TAF3: variants seen among roughly 807,000 people sequenced by gnomAD.
TAF3 encodes the protein TATA-box binding protein associated factor 3.
Under a neutral mutation model 80.6 loss-of-function variants are expected in TAF3, and 7 were observed. The ratio of observed to expected loss-of-function variants is 0.09; its 90% CI spans 0.05 to 0.16. TAF3 has a LOEUF of 0.16. Ranked by LOEUF, TAF3 falls within the 10% of genes least tolerant of loss-of-function variation. The pLI is 1.00. For synonymous variants in TAF3, 444 were observed against 446.1 expected (o/e 1.00, Z 0.06); for missense variants, 921 against 1,140.2 (o/e 0.81, Z 2.77).
rs114832759 is a variant in TAF3, at chr10:7,853,741, A to G, written c.409+29181A>G. Among the ~76,000 whole-genome samples the G allele has an allele frequency of 4.6e-4, 70 of 152,326 alleles. 1 individual carries two copies. In the East Asian group the frequency reaches 9.3e-3, roughly 20 times the overall value. ...TATGGGTGACTGCTTTGGCACTACAATGGCGGAGATGAGATGTGACAGAGA... is the reference window on the plus strand; with the variant it reads ...TATGGGTGACTGCTTTGGCACTACAGTGGCGGAGATGAGATGTGACAGAGA... On this transcript the variant is annotated intron_variant, in intron 2 of 6. Transcript: ENST00000344293.
chr10:7,906,230 A>G (rs574679444), intron 2 of TAF3, among the ~76,000 whole-genome samples: 10 of 152,160 alleles, frequency 6.6e-5, no homozygotes, highest in African/African-American at 2.4e-4. Flanking sequence ...CTTTAATTTC[A>G]GTATTGGATG....
At chr10:8,005,170 A>C (rs1229576491) in intron 4 of TAF3, among the ~76,000 whole-genome samples, 3 of 152,082 alleles carry the variant, frequency 2.0e-5, no homozygotes, top group African/African-American at 7.2e-5. Flanking sequence ...TTTTTTTAAC[A>C]TTGTAAGCAA....
At chr10:7,897,506 G>A (rs905146809) in intron 2 of TAF3, among the ~76,000 whole-genome samples, 2 of 151,944 alleles carry the variant, frequency 1.3e-5, no homozygotes, top group Non-Finnish European at 2.9e-5. Context: ...ACTGTGATTT[G>A]CCTTCATGCG....
At chr10:7,892,242 T>C (rs1210502645) in intron 2 of TAF3, among the ~76,000 whole-genome samples, 1 of 152,250 alleles carries the variant, frequency 6.6e-6, no homozygotes, top group East Asian at 1.9e-4. Context: ...AAATAGATTA[T>C]TGAACTAACT....
intron 2 of TAF3, among the ~76,000 whole-genome samples, chr10:7,905,663 C>T (rs567489155): frequency 6.2e-4 from 95 of 152,160 alleles, no homozygotes; most frequent in African/African-American, 2.0e-3. Flanking sequence ...GGGCAGATTA[C>T]GAGGTCAGGA....
chr10:8,016,602 T>C lies in TAF3; in HGVS notation c.*1851T>C, dbSNP rs888483783. 1 of 152,162 alleles carries C rather than the reference T, an allele frequency of 6.6e-6. No homozygotes were observed. The highest frequency in any genetic ancestry group is 2.4e-5 in the African/African-American group (1 of 41,420). The allele number at this position is 152,162 out of a possible 1,614,324, so 9.4% of individuals were successfully genotyped here. A position where few individuals can be genotyped will look rare whatever the true frequency, so the allele number is the denominator to read the frequency against. On this transcript the variant is annotated 3_prime_UTR_variant, in exon 7 of 7. Coordinates refer to ENST00000344293, the MANE Select transcript of TAF3 (RefSeq NM_031923.4). ...GGAGAGGGGTGAGGGGTGGGGGAAG[T>C]GCAAAATAAAGATTATTGGCTATTT...
At chr10:7,898,025 A>T (rs1262635677) in intron 2 of TAF3, among the ~76,000 whole-genome samples, 1 of 151,462 alleles carries the variant, frequency 6.6e-6, no homozygotes, top group African/African-American at 2.4e-5. Context: ...TAATATTCTT[A>T]TTTTTTTCTC....
intron 2 of TAF3, among the ~76,000 whole-genome samples, chr10:7,937,165 G>A (rs1484377961): frequency 1.3e-5 from 2 of 152,128 alleles, no homozygotes; most frequent in African/African-American, 4.8e-5. Context: ...GTTTTTGTGG[G>A]GACATAAGTT....
At chr10:7,957,129 G>T (rs1838143584) in intron 2 of TAF3, among the ~76,000 whole-genome samples, 1 of 152,116 alleles carries the variant, frequency 6.6e-6, no homozygotes, top group African/African-American at 2.4e-5. Context: ...AGCGGAAAAG[G>T]TGACATCACT....
intron 2 of TAF3, among the ~76,000 whole-genome samples, chr10:7,962,593 A>AC (rs2131411253): frequency 6.6e-6 from 1 of 152,282 alleles, no homozygotes; most frequent in African/African-American, 2.4e-5. Context: ...TGTTTCTCTT[A>AC]CACTCCCCGT....
intron 2 of TAF3, among the ~76,000 whole-genome samples, chr10:7,869,052 G>A (rs191637585): frequency 7.2e-4 from 109 of 152,074 alleles, no homozygotes; most frequent in Admixed American, 1.4e-3. Context: ...ACAATACATC[G>A]TAGAACAATT....
rs2131441463 is a variant in TAF3, at chr10:8,009,328, G to A, written c.2566G>A (p.Val856Met). 3 of 1,592,208 alleles carry A rather than the reference G, an allele frequency of 1.9e-6. No individual in the cohort carries two copies. The highest frequency in any genetic ancestry group is 2.6e-6 in the Non-Finnish European group (3 of 1,170,114). Reference protein sequence around the residue: ...SVVTETVSTYVIRDEWGNQIW... With the variant: ...SVVTETVSTYMIRDEWGNQIW... The stretch of plus-strand genomic sequence containing the variant: ...GGTGACTGAGACGGTCAGCACCTAC[G>A]TGGTGCGTACCTGCCGCCCGCGCGG... The change falls in exon 5 of 7, where the codon GTG becomes ATG. Residue 856 changes from valine to methionine, a missense_variant and splice_region_variant. Physicochemically the swap from Val to Met is conservative, Grantham distance 21. Coordinates refer to ENST00000344293, the MANE Select transcript of TAF3 (RefSeq NM_031923.4). This position sits in a 1 kb window ranked among gnomAD's most constrained non-coding sequence, Gnocchi z 4.1.
chr10:7,862,426 G>C (rs1332150420), intron 2 of TAF3, among the ~76,000 whole-genome samples: 2 of 152,128 alleles, frequency 1.3e-5, no homozygotes, highest in African/African-American at 4.8e-5. Flanking sequence ...TTTTTCCTAT[G>C]ATGGGCAGCA....
At chr10:7,915,672 A>C (rs1588550837) in intron 2 of TAF3, among the ~76,000 whole-genome samples, 1 of 129,836 alleles carries the variant, frequency 7.7e-6, no homozygotes. Flanking sequence ...GAATCATGGC[A>C]CCCTAGGTTT....
At chr10:7,903,200 A>G (rs1019498231) in intron 2 of TAF3, among the ~76,000 whole-genome samples, 1 of 152,212 alleles carries the variant, frequency 6.6e-6, no homozygotes, top group East Asian at 1.9e-4. Context: ...CAGCCTGGGC[A>G]ACAGAGCAAG....
At chr10:7,998,830 C>T (rs1831915258) in intron 4 of TAF3, among the ~76,000 whole-genome samples, 1 of 148,288 alleles carries the variant, frequency 6.7e-6, no homozygotes, top group African/African-American at 2.5e-5. Context: ...CAGAGTGAGA[C>T]TCCATCTCAA....
intron 3 of TAF3, among the ~76,000 whole-genome samples, chr10:7,976,087 C>G (rs1187637226): frequency 1.3e-5 from 2 of 152,122 alleles, no homozygotes; most frequent in African/African-American, 2.4e-5. Flanking sequence ...ATCTGCAAAC[C>G]AACAATTGTG....
chr10:7,825,233 G>A (rs990173690), intron 2 of TAF3, among the ~76,000 whole-genome samples: 1 of 152,296 alleles, frequency 6.6e-6, no homozygotes, highest in Non-Finnish European at 1.5e-5. Context: ...ATAAGAGTTG[G>A]AAAAGTTGCA....
rs1836653291 is a variant in TAF3, at chr10:7,818,545, T to C, written c.-165T>C. On this transcript the variant is annotated 5_prime_UTR_variant, in exon 1 of 7. Transcript: ENST00000344293. The stretch of plus-strand genomic sequence containing the variant: ...GAGTCCAAAATGGCGGCTCTCAGGC[T>C]GGCGCGCTCCGTGCTGCTGGGGCTT... 2 of 653,882 alleles carry C rather than the reference T, an allele frequency of 3.1e-6. No homozygotes were observed. The highest frequency in any genetic ancestry group is 4.7e-6 in the Non-Finnish European group (2 of 425,028). 40.5% of individuals were successfully genotyped at this position (653,882 alleles called of 1,614,324 possible). A position where few individuals can be genotyped will look rare whatever the true frequency, so the allele number is the denominator to read the frequency against.
Sources: gnomAD v4.1 joint callset for allele counts (sites outside exome capture counted in the v4.1 genomes callset) on GRCh38, gnomAD v4.1.1 for gene constraint, Gnocchi (gnomAD v3.1) non-coding constraint, MANE v1.5 for transcripts, NCBI Gene and HGNC (gene_info 2026-07-23, HGNC 2026-07-21) for gene names.